ERI3: variants seen among roughly 807,000 people sequenced by gnomAD.
ERI3 encodes the protein ERI1 exoribonuclease family member 3, also known as ERI1 exoribonuclease 3.
A neutral mutation model predicts 44.4 loss-of-function variants in ERI3; 18 were observed. The ratio of observed to expected loss-of-function variants is 0.41; its 90% CI spans 0.28 to 0.60. ERI3 has a LOEUF of 0.60. Ranked by LOEUF, ERI3 falls within the 20% of genes least tolerant of loss-of-function variation. The pLI, the probability that ERI3 is intolerant of heterozygous loss-of-function variation, is 0.36. For missense variants in ERI3, 294 were observed against 435.5 expected (o/e 0.68, Z 2.89); for synonymous variants, 183 against 164.8 (o/e 1.11, Z -0.84).
rs2154317483 is a variant in ERI3 at position 44,241,842 on chromosome 1, A to ACATG, written c.931+6096_931+6097insCATG. The ACATG allele has an allele frequency of 7.4e-6, 3 of 405,282 alleles. No individual in the cohort carries two copies. The South Asian group carries it at 3.1e-4, about 42-fold the overall frequency. The allele number at this position is 405,282 out of a possible 1,614,324, so 25.1% of individuals were successfully genotyped here. ...TACATACATACATACATACATACAT[A>ACATG]CATACATACAGGAGAACCTTCTTCC... On this transcript the variant is annotated intron_variant, in intron 8 of 8. Transcript: ENST00000372257. This position sits in a 1 kb window ranked among gnomAD's most constrained non-coding sequence, Gnocchi z 5.6.
chr1:44,293,792 CCTCA>C lies in ERI3; in HGVS notation c.759-8889_759-8886del, dbSNP rs577761180. 2.5e-4 allele frequency among the ~76,000 whole-genome samples: 38 copies of C among 152,336 alleles called. No homozygotes were observed. The East Asian group carries it at 6.6e-3, about 26-fold the overall frequency. ...AGCTTCTTTGAGGAAGGGCTGATCA[CCTCA>C]CTGTCTCCTGTGTGTCCTCTACTCT... On this transcript the variant is annotated intron_variant, in intron 6 of 8. Transcript: ENST00000372257.
At chr1:44,285,024 A>G (rs1208949535) in intron 6 of ERI3, 117 bp from the exon 7 acceptor site, 3 of 820,040 alleles carry the variant, frequency 3.7e-6, no homozygotes, top group African/African-American at 1.7e-5. Flanking sequence ...AGGTCAACCC[A>G]TTAGCCATGG....
intron 7 of ERI3, among the ~76,000 whole-genome samples, chr1:44,256,476 C>T (rs1644783064): frequency 1.3e-5 from 2 of 152,230 alleles, no homozygotes; most frequent in Admixed American, 1.3e-4. Context: ...GCCCATCCTC[C>T]CTAACCCCAG....
rs767476828 is a variant in ERI3, at chr1:44,266,714, T to C, written c.831+18121A>G. Among the ~76,000 whole-genome samples, 113 of 152,362 alleles carry C rather than the reference T, an allele frequency of 7.4e-4. 1 individual carries two copies. Among genetic ancestry groups the C allele is most frequent in the Middle Eastern group, 3.4e-3 (1 of 294 alleles). The stretch of plus-strand genomic sequence containing the variant: ...GAAAATGAATGAATGAATGGCTATG[T>C]TGAACTCAATCCCATTTGACACACA... On this transcript the variant is annotated intron_variant, in intron 7 of 8. Transcript: ENST00000372257.
chr1:44,256,087 G>C (rs1644773819), intron 7 of ERI3, among the ~76,000 whole-genome samples: 1 of 152,108 alleles, frequency 6.6e-6, no homozygotes, highest in Non-Finnish European at 1.5e-5. Context: ...GGTTGTATTT[G>C]CTGTCTCTGA....
intron 2 of ERI3, 30 bp downstream of exon 2, chr1:44,352,820 C>G: frequency 1.9e-6 from 3 of 1,613,596 alleles, no homozygotes; most frequent in Non-Finnish European, 2.5e-6. Flanking sequence ...GAAAATAAAG[C>G]CAGACTTGAC....
At chr1:44,330,648 G>GT (rs1460997623) in intron 3 of ERI3, among the ~76,000 whole-genome samples, 1 of 152,230 alleles carries the variant, frequency 6.6e-6, no homozygotes, top group Non-Finnish European at 1.5e-5. Context: ...TTTGCTGGGG[G>GT]TGGGGGTAGC....
chr1:44,229,283 G>T (rs1390066707), intron 8 of ERI3, among the ~76,000 whole-genome samples: 1 of 152,212 alleles, frequency 6.6e-6, no homozygotes, highest in East Asian at 1.9e-4. Context: ...ACTAATTCTA[G>T]AATTTATAGT....
chr1:44,301,873 G>A (rs1645733698), intron 6 of ERI3, among the ~76,000 whole-genome samples: 2 of 152,238 alleles, frequency 1.3e-5, no homozygotes, highest in South Asian at 4.1e-4. Context: ...GTAGGCCTAG[G>A]AGCTAGGTTG....
At chr1:44,322,958 T>C in intron 3 of ERI3, 3 of 1,409,824 alleles carry the variant, frequency 2.1e-6, no homozygotes, top group Admixed American at 2.8e-5. Context: ...TTTGTGACAA[T>C]GTGCCCAAGT....
At position 44,252,964 on chromosome 1, in the gene ERI3, A is replaced by C. The variant is rs1314954242; in HGVS notation, c.832-4926T>G. Among the ~76,000 whole-genome samples the C allele has an allele frequency of 1.3e-5, 2 of 152,306 alleles. No homozygotes were observed. The highest frequency in any genetic ancestry group is 3.9e-4 in the East Asian group (2 of 5,192). On this transcript the variant is annotated intron_variant, in intron 7 of 8. Transcript: ENST00000372257. The surrounding 1 kb of genome is among the most constrained non-coding windows in gnomAD (Gnocchi z 4.7). ...AGAGGTGAGGAGGAGCAGGCCTTTAACCATACCTCTGGATGACTTGTCACC... is the reference window on the plus strand; with the variant it reads ...AGAGGTGAGGAGGAGCAGGCCTTTACCCATACCTCTGGATGACTTGTCACC...
At chr1:44,293,051 C>T (rs1419190514) in intron 6 of ERI3, among the ~76,000 whole-genome samples, 1 of 152,242 alleles carries the variant, frequency 6.6e-6, no homozygotes, top group South Asian at 2.1e-4. Context: ...TAATGAATTT[C>T]ACCACCAACA....
intron 7 of ERI3, 129 bp downstream of exon 7, chr1:44,284,706 G>A (rs907014938): frequency 5.7e-6 from 4 of 705,732 alleles, no homozygotes; most frequent in Admixed American, 5.2e-5. Context: ...GGAAAAGGAT[G>A]AAGTTAAGAA....
At chr1:44,266,688 T>C (rs956090062) in intron 7 of ERI3, among the ~76,000 whole-genome samples, 3 of 152,236 alleles carry the variant, frequency 2.0e-5, no homozygotes, top group Non-Finnish European at 4.4e-5. Context: ...ATTTACTGAA[T>C]GAAAATGAAT....
intron 8 of ERI3, among the ~76,000 whole-genome samples, chr1:44,223,516 T>C (rs1384643526): frequency 2.0e-5 from 3 of 152,122 alleles, no homozygotes; most frequent in Admixed American, 6.5e-5. Flanking sequence ...TCCGGTACCC[T>C]AGGGACCGTG....
intron 8 of ERI3, among the ~76,000 whole-genome samples, chr1:44,234,453 G>A (rs1482458936): frequency 6.6e-6 from 1 of 151,922 alleles, no homozygotes. Context: ...CACGAGGTCA[G>A]GATTTCGAGA....
chr1:44,349,587 A>G, intron 2 of ERI3, among the ~76,000 whole-genome samples: 1 of 152,194 alleles, frequency 6.6e-6, no homozygotes, highest in East Asian at 1.9e-4. Flanking sequence ...TTTTTAGCAT[A>G]TGTTCACAAC....
In ERI3 at chr1:44,252,508, CCTG is replaced by C. The variant is rs1644702483; in HGVS notation, c.832-4473_832-4471del. Among the ~76,000 whole-genome samples, 1 of 152,236 alleles carries C rather than the reference CCTG, an allele frequency of 6.6e-6. No individual in the cohort carries two copies. Among genetic ancestry groups the C allele is most frequent in the South Asian group, 2.1e-4 (1 of 4,836 alleles). On this transcript the variant is annotated intron_variant, in intron 7 of 8. Coordinates refer to ENST00000372257, the MANE Select transcript of ERI3 (RefSeq NM_024066.3). The surrounding 1 kb of genome is among the most constrained non-coding windows in gnomAD (Gnocchi z 4.7). Reference sequence around the variant, plus strand: ...TTAATATTCTGACACCTCAGCGCAGCCTGCTATTACATGCAAACACTGATCGCC... The same window carrying C: ...TTAATATTCTGACACCTCAGCGCAGCCTATTACATGCAAACACTGATCGCC...
chr1:44,242,384 T>C (rs1644458166), intron 8 of ERI3, among the ~76,000 whole-genome samples: 1 of 152,244 alleles, frequency 6.6e-6, no homozygotes, highest in Non-Finnish European at 1.5e-5. Context: ...ATCTCACTGA[T>C]TCTGAGGCTC....
Sources: allele counts gnomAD v4.1 joint callset (sites outside exome capture counted in the v4.1 genomes callset), GRCh38; gene constraint gnomAD v4.1.1; non-coding constraint Gnocchi (gnomAD v3.1); transcripts MANE v1.5; gene names NCBI Gene and HGNC (gene_info 2026-07-23, HGNC 2026-07-21).